The following FCHO1 variants were observed in gnomAD, a reference collection of about 807,000 sequenced individuals.
FCHO1 encodes F-BAR domain only protein 1.
FCHO1 carries 45 observed loss-of-function variants against 114.4 expected under a neutral mutation model. That is an observed-to-expected ratio of 0.39 (90% confidence interval 0.31 to 0.50). The LOEUF (loss-of-function observed/expected upper bound fraction) is 0.50, where lower values mean the gene tolerates loss of function less well. FCHO1 is among the 20% of genes least tolerant of loss of function. The pLI is 0.77. For synonymous variants in FCHO1, 480 were observed against 488.9 expected, an observed-to-expected ratio of 0.98 and a Z score of 0.24; for missense variants, 1,042 against 1,209.6, an observed-to-expected ratio of 0.86 and a Z score of 2.06.
chr19:17,775,642 C>A lies in FCHO1; in HGVS notation c.1003+129C>A. ...AGAGAGTCTCCTTTGTGGATGAAGCCAACCTAAATGTAAACACCCACTCTA... is the reference window on the plus strand; with the variant it reads ...AGAGAGTCTCCTTTGTGGATGAAGCAAACCTAAATGTAAACACCCACTCTA... On this transcript the variant is annotated intron_variant, in intron 15 of 28. Transcript: ENST00000596536. This position sits in a 1 kb window ranked among gnomAD's most constrained non-coding sequence, Gnocchi z 5.1. The A allele has an allele frequency of 2.2e-6, 2 of 912,530 alleles. No homozygotes were observed. The highest frequency in any genetic ancestry group is 3.5e-6 in the Non-Finnish European group (2 of 564,918). The allele number at this position is 912,530 out of a possible 1,614,324, so 56.5% of individuals were successfully genotyped here.
intron 8 of FCHO1, 38 bp from the exon 9 acceptor site, chr19:17,770,754 T>G (rs1203857451): frequency 6.2e-7 from 1 of 1,604,070 alleles, no homozygotes; most frequent in Non-Finnish European, 8.5e-7. Flanking sequence ...CCCCTGAGTA[T>G]CGCCCTCCCA....
chr19:17,776,209 G>T lies in FCHO1; in HGVS notation c.1183-38G>T. 6.2e-7 allele frequency: 1 copy of T among 1,614,116 alleles called. No individual in the cohort carries two copies. The highest frequency in any genetic ancestry group is 8.5e-7 in the Non-Finnish European group (1 of 1,180,012). On this transcript the variant is annotated intron_variant, in intron 16 of 28. Coordinates refer to ENST00000596536, the MANE Select transcript of FCHO1 (RefSeq NM_015122.3). The surrounding 1 kb of genome is among the most constrained non-coding windows in gnomAD (Gnocchi z 4.4). ...TGGGTGTTGCTAGAGAGGCTGGCTG[G>T]ATGCATTCGTGTGTGATGTTGCCCA...
At chr19:17,758,403 TGTG>T (rs1239671969) in intron 4 of FCHO1, among the ~76,000 whole-genome samples, 1 of 151,850 alleles carries the variant, frequency 6.6e-6, no homozygotes, top group African/African-American at 2.4e-5. Flanking sequence ...CTGGACAAAA[TGTG>T]GTGGTGGAAA....
intron 4 of FCHO1, among the ~76,000 whole-genome samples, chr19:17,761,969 T>TTTCTTTCA (rs1555717282): frequency 1.7e-4 from 25 of 148,112 alleles, no homozygotes; most frequent in African/African-American, 6.0e-4. Flanking sequence ...TTTATTTTTA[T>TTTCTTTCA]TTCATTCATT....
chr19:17,775,608 A>G lies in FCHO1; in HGVS notation c.1003+95A>G. On this transcript the variant is annotated intron_variant, in intron 15 of 28. Coordinates refer to ENST00000596536, the MANE Select transcript of FCHO1 (RefSeq NM_015122.3). This position sits in a 1 kb window ranked among gnomAD's most constrained non-coding sequence, Gnocchi z 5.1. Reference sequence around the variant, plus strand: ...CCACCTTCAGCAGTCCTCTCTGTGTACATCCTGGAGAGAGTCTCCTTTGTG... The same window carrying G: ...CCACCTTCAGCAGTCCTCTCTGTGTGCATCCTGGAGAGAGTCTCCTTTGTG... 1 of 1,180,458 alleles carries G rather than the reference A, an allele frequency of 8.5e-7. No individual in the cohort carries two copies. The highest frequency in any genetic ancestry group is 1.7e-5 in the Admixed American group (1 of 57,590). 73.1% of individuals were successfully genotyped at this position (1,180,458 alleles called of 1,614,324 possible).
chr19:17,784,633 G>C lies in FCHO1; in HGVS notation c.2227-92G>C, dbSNP rs1047199158. 5 of 1,215,490 alleles carry C rather than the reference G, an allele frequency of 4.1e-6. No homozygotes were observed. The highest frequency in any genetic ancestry group is 6.1e-6 in the Non-Finnish European group (5 of 825,152). 75.3% of individuals were successfully genotyped at this position (1,215,490 alleles called of 1,614,324 possible). ...ACTGGACCCCCTTGGGGCGGTGCGT[G>C]CATCGCAGGGTCAAGGTGGTTGAAT... On this transcript the variant is annotated intron_variant, in intron 25 of 28. Transcript: ENST00000596536. The surrounding 1 kb of genome is among the most constrained non-coding windows in gnomAD (Gnocchi z 5.3).
At chr19:17,787,911 G>C (rs1168516650) in intron 28 of FCHO1, 65 bp downstream of exon 28, 1 of 1,538,474 alleles carries the variant, frequency 6.5e-7, no homozygotes. Context: ...AAGCCCCGGG[G>C]TGTGGGGAGG....
intron 5 of FCHO1, among the ~76,000 whole-genome samples, chr19:17,763,972 G>A (rs1262891067): frequency 6.6e-6 from 1 of 151,930 alleles, no homozygotes; most frequent in African/African-American, 2.4e-5. Context: ...CCACTGCTAA[G>A]GTGTTTGAGA....
At chr19:17,788,241 CCCCTCCT>C in intron 28 of FCHO1, 36 bp from the exon 29 acceptor site, 1 of 820,342 alleles carries the variant, frequency 1.2e-6, no homozygotes, top group Non-Finnish European at 2.0e-6. Flanking sequence ...CCCTCCCGTA[CCCCTCCT>C]CCCCACCCCT....
Position 17,785,629 on chromosome 19 carries a change from C to T in FCHO1, c.2426+705C>T, listed in dbSNP as rs191598869. Among the ~76,000 whole-genome samples the T allele has an allele frequency of 5.0e-3, 755 of 152,082 alleles. 9 individuals are homozygous for T. Among genetic ancestry groups the T allele is most frequent in the African/African-American group, 0.017 (709 of 41,478 alleles). On this transcript the variant is annotated intron_variant, in intron 26 of 28. Transcript: ENST00000596536. ...TGGGCAGATCACGAGGTCAGGAGATCGAGACCATCCTGGTTAATATGGTGA... is the reference window on the plus strand; with the variant it reads ...TGGGCAGATCACGAGGTCAGGAGATTGAGACCATCCTGGTTAATATGGTGA...
Position 17,775,306 on chromosome 19 carries a change from C to T in FCHO1, c.946-150C>T, listed in dbSNP as rs1280411501. 1.1e-6 allele frequency: 1 copy of T among 884,782 alleles called. No homozygotes were observed. The highest frequency in any genetic ancestry group is 1.6e-5 in the African/African-American group (1 of 60,758). 54.8% of individuals were successfully genotyped at this position (884,782 alleles called of 1,614,324 possible). On this transcript the variant is annotated intron_variant, in intron 14 of 28. Transcript: ENST00000596536. This position sits in a 1 kb window ranked among gnomAD's most constrained non-coding sequence, Gnocchi z 5.1. ...GCTCAGTTTGTCCCAGGAACCTGCC[C>T]ACACACCCAGGGAAGACAGTCGTTG...
chr19:17,772,734 G>A lies in FCHO1; in HGVS notation c.783G>A (p.Glu261=), dbSNP rs769596371. The change falls in exon 11 of 29, where the codon GAG becomes GAA. Residue 261 remains glutamate, a synonymous_variant. Transcript: ENST00000596536. ...CAGAGAGTAAGGGCACAGGCCGGGA[G>A]AAGCCTGGTGAGTCAGGGCAGCCAT... ...KFAESKGTGR[E]KPGPLDFEAY... is the part of the protein sequence containing the mutation. 1.2e-5 allele frequency: 19 copies of A among 1,613,906 alleles called. No individual in the cohort carries two copies. In the South Asian group the frequency reaches 2.1e-4, roughly 18 times the overall value.
chr19:17,778,835 C>A lies in FCHO1; in HGVS notation c.1578C>A (p.Pro526=), dbSNP rs765896127. The A allele has an allele frequency of 4.3e-5, 67 of 1,559,102 alleles. No homozygotes were observed. In the South Asian group the frequency reaches 7.1e-4, roughly 16 times the overall value. ...RAPPLPDSPQ[P]LASSPGPWGL... is the part of the protein sequence containing the mutation. ...CGCCTCTGCCAGACTCGCCGCAGCCCCTCGCCTCGTCTCCAGGCCCCTGGG... is the reference window on the plus strand; with the variant it reads ...CGCCTCTGCCAGACTCGCCGCAGCCACTCGCCTCGTCTCCAGGCCCCTGGG... Residue 526 remains proline, a synonymous_variant, in exon 20 of 29, where the codon CCC becomes CCA. Transcript: ENST00000596536.
chr19:17,776,159 G>A lies in FCHO1; in HGVS notation c.1180G>A (p.Gly394Arg), dbSNP rs774813558. 1.2e-6 allele frequency: 2 copies of A among 1,613,934 alleles called. No individual in the cohort carries two copies. Among genetic ancestry groups the A allele is most frequent in the Admixed American group, 3.3e-5 (2 of 60,018 alleles). The change falls in exon 16 of 29, where the codon GGG (glycine) becomes AGG (arginine). Residue 394 changes from glycine to arginine, a missense_variant and splice_region_variant. Coordinates refer to ENST00000596536, the MANE Select transcript of FCHO1 (RefSeq NM_015122.3). The surrounding 1 kb of genome is among the most constrained non-coding windows in gnomAD (Gnocchi z 4.4). ...AGSLILPPGP[G>R]GTMKRHSSRD... Reference sequence around the variant, plus strand: ...CAGCCTCATCCTTCCTCCTGGCCCAGGGGTGAGGCGTGGGAGGGGTGCCCT... The same window carrying A: ...CAGCCTCATCCTTCCTCCTGGCCCAAGGGTGAGGCGTGGGAGGGGTGCCCT...
chr19:17,785,833 CA>C (rs36116021), intron 26 of FCHO1, among the ~76,000 whole-genome samples: 63 of 130,410 alleles, frequency 4.8e-4, no homozygotes, highest in Middle Eastern at 4.1e-3. Context: ...GACTCCGTCT[CA>C]AAAAAAAAAA....
At chr19:17,750,923 C>A (rs1281270325), upstream of FCHO1, among the ~76,000 whole-genome samples, 2 of 150,638 alleles carry the variant, frequency 1.3e-5, no homozygotes, top group African/African-American at 4.9e-5. Context: ...CTCACTGCAA[C>A]CTCCACCTCC....
rs1163424894 is a variant in FCHO1 at position 17,788,474 on chromosome 19, C to G, written c.*168C>G. The G allele has an allele frequency of 6.8e-6, 4 of 591,270 alleles. No homozygotes were observed. Among genetic ancestry groups the G allele is most frequent in the Non-Finnish European group, 9.2e-6 (3 of 327,588 alleles). The allele number at this position is 591,270 out of a possible 1,614,324, so 36.6% of individuals were successfully genotyped here. ...GGCTGAGCCCGAGATTCGCTCCTCC[C>G]CCTCATGCCAACCCCACACAGGTCC... On this transcript the variant is annotated 3_prime_UTR_variant, in exon 29 of 29. Coordinates refer to ENST00000596536, the MANE Select transcript of FCHO1 (RefSeq NM_015122.3).
chr19:17,772,513 A>G lies in FCHO1; in HGVS notation c.651A>G (p.Ser217=). The change falls in exon 10 of 29, where the codon TCA becomes TCG. Residue 217 remains serine (S), a synonymous_variant. Transcript: ENST00000596536. ...HLRHMKALLG[S]YAHSVEDTHV... The stretch of plus-strand genomic sequence containing the variant: ...GGCACATGAAGGCACTGCTGGGCTC[A>G]TATGCTCACTCGGTGGAGGACACGC... 1 of 1,614,080 alleles carries G rather than the reference A, an allele frequency of 6.2e-7. No individual in the cohort carries two copies. The highest frequency in any genetic ancestry group is 1.1e-5 in the South Asian group (1 of 91,074).
chr19:17,762,641 A>G (rs2086778556), intron 4 of FCHO1, 121 bp from the exon 5 acceptor site: 3 of 775,472 alleles, frequency 3.9e-6, no homozygotes, highest in Middle Eastern at 2.3e-4. Context: ...TGATTCGCTC[A>G]GGCCCGAACA....
Sources: gnomAD v4.1 joint callset for allele counts (sites outside exome capture counted in the v4.1 genomes callset) on GRCh38, gnomAD v4.1.1 for gene constraint, Gnocchi (gnomAD v3.1) non-coding constraint, MANE v1.5 for transcripts, NCBI Gene and HGNC (gene_info 2026-07-23, HGNC 2026-07-21) for gene names.